The following TYR variants were observed in gnomAD, a reference collection of about 807,000 sequenced individuals.
TYR encodes LB24-AB.
In TYR, 58 loss-of-function variants were observed where a neutral mutation model predicts 51.5. The ratio of observed to expected loss-of-function variants is 1.13; its 90% CI spans 0.91 to 1.40. The LOEUF (loss-of-function observed/expected upper bound fraction) is 1.40. TYR is among the 40% of genes most tolerant of loss of function. TYR has a pLI of 0.00. For missense variants in TYR, 732 were observed against 647.4 expected, an observed-to-expected ratio of 1.13 and a Z score of -1.42; for synonymous variants, 263 against 235.2, an observed-to-expected ratio of 1.12 and a Z score of -1.08.
chr11:89,252,251 T>C (rs1224944090), intron 3 of TYR, among the ~76,000 whole-genome samples: 2 of 151,850 alleles, frequency 1.3e-5, no homozygotes, highest in African/African-American at 4.8e-5. Flanking sequence ...AAATTTATTT[T>C]ACATGCATAT....
chr11:89,252,636 AATT>A (rs1441763035), intron 3 of TYR, among the ~76,000 whole-genome samples: 2 of 151,834 alleles, frequency 1.3e-5, no homozygotes, highest in Non-Finnish European at 2.9e-5. Flanking sequence ...TGTGTTTTGA[AATT>A]AAACAAAGTA....
Position 89,177,899 on chromosome 11 carries a change from A to C in TYR, c.-55A>C. The C allele has an allele frequency of 6.4e-7, 1 of 1,572,002 alleles. No homozygotes were observed. The highest frequency in any genetic ancestry group is 8.7e-7 in the Non-Finnish European group (1 of 1,144,726). ...CACTGTAGTAGTAGCTGGAAAGAGAAATCTGTGACTCCAATTAGCCAGTTC... is the reference window on the plus strand; with the variant it reads ...CACTGTAGTAGTAGCTGGAAAGAGACATCTGTGACTCCAATTAGCCAGTTC... On this transcript the variant is annotated 5_prime_UTR_variant, in exon 1 of 5. Transcript: ENST00000263321.
intron 3 of TYR, among the ~76,000 whole-genome samples, chr11:89,260,989 A>C (rs1330113329): frequency 6.6e-6 from 1 of 152,062 alleles, no homozygotes; most frequent in East Asian, 1.9e-4. Context: ...CCTTATGAGA[A>C]TCTAACGCCT....
At chr11:89,183,065 T>C (rs1202526170) in intron 1 of TYR, among the ~76,000 whole-genome samples, 2 of 152,120 alleles carry the variant, frequency 1.3e-5, no homozygotes, top group East Asian at 3.9e-4. Flanking sequence ...GAAAAAGATT[T>C]TGTGGAATGT....
chr11:89,215,106 T>C (rs1003699239), intron 2 of TYR, among the ~76,000 whole-genome samples: 1 of 152,224 alleles, frequency 6.6e-6, no homozygotes, highest in African/African-American at 2.4e-5. Flanking sequence ...AGGAGAAGCA[T>C]AAGCAAACCA....
intron 1 of TYR, among the ~76,000 whole-genome samples, chr11:89,186,172 G>A (rs945715719): frequency 1.3e-5 from 2 of 152,126 alleles, no homozygotes; most frequent in African/African-American, 2.4e-5. Flanking sequence ...GATCACACAG[G>A]ATGTGAGCAC....
chr11:89,218,980 C>A (rs567835447), intron 2 of TYR, among the ~76,000 whole-genome samples: 1 of 152,156 alleles, frequency 6.6e-6, no homozygotes, highest in South Asian at 2.1e-4. Flanking sequence ...ATTTAACCTG[C>A]CCTTGCCTGA....
At chr11:89,251,981 C>T (rs572892627) in intron 3 of TYR, among the ~76,000 whole-genome samples, 4 of 151,952 alleles carry the variant, frequency 2.6e-5, no homozygotes, top group East Asian at 3.9e-4. Flanking sequence ...TCTTAAGTTG[C>T]GTCGCCTTCA....
chr11:89,230,906 T>TAA (rs71052219), intron 3 of TYR, among the ~76,000 whole-genome samples: 23,047 of 139,138 alleles, frequency 0.17, 2,199 homozygotes, highest in African/African-American at 0.28. Flanking sequence ...GAGACTATGT[T>TAA]AAAAAAAAAA....
At chr11:89,191,136 T>C in intron 1 of TYR, 66 bp from the exon 2 acceptor site, 1 of 1,446,168 alleles carries the variant, frequency 6.9e-7, no homozygotes, top group Non-Finnish European at 9.7e-7. Flanking sequence ...AGTTCCAACA[T>C]TTCTGCCTTC....
At chr11:89,259,689 A>G (rs1944434882) in intron 3 of TYR, among the ~76,000 whole-genome samples, 1 of 152,088 alleles carries the variant, frequency 6.6e-6, no homozygotes, top group Admixed American at 6.6e-5. Context: ...ACCTAAAACC[A>G]GAATAATATT....
At chr11:89,183,723 A>G (rs1434927632) in intron 1 of TYR, among the ~76,000 whole-genome samples, 2 of 152,064 alleles carry the variant, frequency 1.3e-5, no homozygotes, top group Non-Finnish European at 2.9e-5. Flanking sequence ...TTTGAGTTTC[A>G]TGTGTGGAAA....
chr11:89,246,140 G>A (rs1278178370), intron 3 of TYR, among the ~76,000 whole-genome samples: 3 of 139,974 alleles, frequency 2.1e-5, no homozygotes, highest in Non-Finnish European at 4.6e-5. Context: ...AGGTATAAAA[G>A]GCAGGACATG....
intron 2 of TYR, among the ~76,000 whole-genome samples, chr11:89,219,584 C>T (rs751530138): frequency 1.3e-5 from 2 of 151,996 alleles, no homozygotes; most frequent in Admixed American, 6.6e-5. Flanking sequence ...CCACTGTGCC[C>T]GGCCTGATAG....
chr11:89,250,858 T>C (rs1478915633), intron 3 of TYR, among the ~76,000 whole-genome samples: 2 of 151,948 alleles, frequency 1.3e-5, no homozygotes, highest in Non-Finnish European at 2.9e-5. Flanking sequence ...ATTCAGCCTG[T>C]TACAAGTAGT....
At chr11:89,229,400 C>T (rs769795179) in intron 3 of TYR, among the ~76,000 whole-genome samples, 5 of 151,906 alleles carry the variant, frequency 3.3e-5, no homozygotes, top group African/African-American at 4.8e-5. Context: ...ATAAATTGAA[C>T]GCTTTTTAAA....
chr11:89,240,764 A>G (rs575228018), intron 3 of TYR, among the ~76,000 whole-genome samples: 3 of 152,320 alleles, frequency 2.0e-5, no homozygotes, highest in African/African-American at 7.2e-5. Flanking sequence ...ACATTAGTAC[A>G]GTTGCAGGTC....
At chr11:89,230,628 A>T (rs1358415803) in intron 3 of TYR, among the ~76,000 whole-genome samples, 2 of 152,128 alleles carry the variant, frequency 1.3e-5, no homozygotes, top group Non-Finnish European at 2.9e-5. Context: ...TGCAAACTAT[A>T]CCTCTGATAA....
intron 2 of TYR, among the ~76,000 whole-genome samples, chr11:89,222,671 G>A (rs1416189900): frequency 6.6e-6 from 1 of 152,060 alleles, no homozygotes; most frequent in South Asian, 2.1e-4. Flanking sequence ...CCCAGGAGGT[G>A]GAGGTTGCAG....
Sources: allele counts gnomAD v4.1 joint callset (sites outside exome capture counted in the v4.1 genomes callset), GRCh38; gene constraint gnomAD v4.1.1; transcripts MANE v1.5; gene names NCBI Gene and HGNC (gene_info 2026-07-23, HGNC 2026-07-21).